The following TRPC4AP variants were observed in gnomAD, a reference collection of about 807,000 sequenced individuals.
TRPC4AP encodes the protein transient receptor potential cation channel subfamily C member 4 associated protein, also known as short transient receptor potential channel 4-associated protein.
In TRPC4AP, 45 loss-of-function variants were observed where a neutral mutation model predicts 99.0. That is an observed-to-expected ratio of 0.45 (90% confidence interval 0.36 to 0.58). The LOEUF (loss-of-function observed/expected upper bound fraction) is 0.58, where lower values mean the gene tolerates loss of function less well. TRPC4AP is among the 20% of genes least tolerant of loss of function. The pLI, the probability that TRPC4AP is intolerant of heterozygous loss-of-function variation, is 0.00. For synonymous variants in TRPC4AP, 408 were observed against 385.8 expected (o/e 1.06, Z -0.67); for missense variants, 879 against 985.3 (o/e 0.89, Z 1.44).
At position 35,084,244 on chromosome 20, in the gene TRPC4AP, G is replaced by A. The variant is rs140455019; in HGVS notation, c.169-6070C>T. Among the ~76,000 whole-genome samples, 1,154 of 151,140 alleles carry A rather than the reference G, an allele frequency of 7.6e-3. 13 individuals are homozygous for A. The highest frequency in any genetic ancestry group is 0.024 in the African/African-American group (986 of 41,126). ...GAGATTGCGCCATTCCACTCCAGCC[G>A]GGCAACAGTGCGAGACTCCGTCCCA... On this transcript the variant is annotated intron_variant, in intron 1 of 18. Transcript: ENST00000252015.
chr20:35,007,022 A>G (rs1444477177), intron 14 of TRPC4AP, among the ~76,000 whole-genome samples: 3 of 152,252 alleles, frequency 2.0e-5, no homozygotes, highest in Non-Finnish European at 4.4e-5. Flanking sequence ...AATTGTTTAA[A>G]TAGAGTTTAC....
chr20:35,076,681 G>C (rs141201005), intron 2 of TRPC4AP, among the ~76,000 whole-genome samples: 6,714 of 152,266 alleles, frequency 0.044, 485 homozygotes, highest in African/African-American at 0.15. Flanking sequence ...CCTACTGGGA[G>C]GTGTCTCCCA....
chr20:35,046,541 A>G (rs1441860139), intron 6 of TRPC4AP, among the ~76,000 whole-genome samples: 1 of 152,156 alleles, frequency 6.6e-6, no homozygotes, highest in Admixed American at 6.6e-5. Context: ...CTTTCTCCTG[A>G]GACTCAATGC....
intron 7 of TRPC4AP, among the ~76,000 whole-genome samples, chr20:35,043,222 AT>A (rs2083479761): frequency 6.6e-6 from 1 of 151,862 alleles, no homozygotes; most frequent in Non-Finnish European, 1.5e-5. Context: ...GTCTTTTGTT[AT>A]TACAAATAAT....
chr20:35,074,288 TA>T (rs1569145328), intron 2 of TRPC4AP, among the ~76,000 whole-genome samples: 12 of 152,342 alleles, frequency 7.9e-5, no homozygotes, highest in African/African-American at 2.9e-4. Flanking sequence ...GCTCTGATCT[TA>T]GTTATTTCTC....
intron 8 of TRPC4AP, among the ~76,000 whole-genome samples, chr20:35,028,932 A>G (rs549084255): frequency 1.3e-5 from 2 of 152,218 alleles, no homozygotes; most frequent in East Asian, 1.9e-4. Context: ...TTTTGCTCTG[A>G]TAACAGTTTT....
At chr20:35,062,895 C>T (rs1202543281) in intron 3 of TRPC4AP, among the ~76,000 whole-genome samples, 1 of 152,160 alleles carries the variant, frequency 6.6e-6, no homozygotes, top group Non-Finnish European at 1.5e-5. Context: ...AACAATAAAA[C>T]ACCTCATGCT....
chr20:35,043,719 T>G (rs1207915459), intron 7 of TRPC4AP, among the ~76,000 whole-genome samples: 1 of 152,200 alleles, frequency 6.6e-6, no homozygotes, highest in Admixed American at 6.5e-5. Flanking sequence ...TAACAATAAC[T>G]AATGATAAAA....
Position 35,062,451 on chromosome 20 carries a change from GATAA to G in TRPC4AP, c.415-4884_415-4881del, listed in dbSNP as rs2084030364. On this transcript the variant is annotated intron_variant, in intron 3 of 18. Transcript: ENST00000252015. ...CCAAATGTCCATCAACTGATGAATG[GATAA>G]ATAAGATGTGGTCTATCCATACAGT... is the stretch of plus-strand genomic sequence containing the variant. Among the ~76,000 whole-genome samples the G allele has an allele frequency of 2.0e-5, 3 of 152,274 alleles. No individual in the cohort carries two copies. In the South Asian group the frequency reaches 6.2e-4, roughly 32 times the overall value.
chr20:35,086,575 G>GTGTGTGTATA lies in TRPC4AP; in HGVS notation c.168+6038_168+6039insTATACACACA, dbSNP rs1555919531. ...TGTGTGTGTGTGTGTGTGTGTGTGTGTATATATATATGAATAAGACTTTAT... is the reference window on the plus strand; with the variant it reads ...TGTGTGTGTGTGTGTGTGTGTGTGTGTGTGTGTATATATATATATATGAATAAGACTTTAT... On this transcript the variant is annotated intron_variant, in intron 1 of 18. Coordinates refer to ENST00000252015, the MANE Select transcript of TRPC4AP (RefSeq NM_015638.3). Among the ~76,000 whole-genome samples, 17 of 89,788 alleles carry GTGTGTGTATA rather than the reference G, an allele frequency of 1.9e-4. 1 individual carries two copies. Among genetic ancestry groups the GTGTGTGTATA allele is most frequent in the African/African-American group, 6.7e-4 (17 of 25,450 alleles). The allele number at this position is 89,788 out of a possible 152,430, so 58.9% of individuals were successfully genotyped here.
intron 15 of TRPC4AP, 50 bp from the exon 16 acceptor site, chr20:35,005,853 G>A (rs369780830): frequency 5.1e-6 from 8 of 1,566,110 alleles, no homozygotes; most frequent in Middle Eastern, 1.7e-4. Flanking sequence ...GGCCAGGTAT[G>A]GCCATGGCCC....
chr20:35,070,313 G>C (rs1340028624), intron 2 of TRPC4AP, among the ~76,000 whole-genome samples: 1 of 152,078 alleles, frequency 6.6e-6, no homozygotes, highest in Non-Finnish European at 1.5e-5. Context: ...AAGTCTTCTT[G>C]ATTTCCCCCA....
intron 8 of TRPC4AP, among the ~76,000 whole-genome samples, chr20:35,034,742 C>A (rs1212933357): frequency 9.2e-5 from 14 of 152,146 alleles, no homozygotes; most frequent in Middle Eastern, 3.4e-3. Context: ...CTGCCTAGTC[C>A]CATCAAGGGG....
intron 3 of TRPC4AP, among the ~76,000 whole-genome samples, chr20:35,058,149 T>C (rs571676070): frequency 2.0e-5 from 3 of 152,214 alleles, no homozygotes; most frequent in South Asian, 2.1e-4. Flanking sequence ...TACCTAACAA[T>C]AGAGCCCAAA....
intron 1 of TRPC4AP, among the ~76,000 whole-genome samples, chr20:35,090,897 A>G (rs1344048973): frequency 6.6e-6 from 1 of 151,256 alleles, no homozygotes; most frequent in Non-Finnish European, 1.5e-5. Flanking sequence ...GCATAACTCA[A>G]AAGCTTGAGG....
intron 1 of TRPC4AP, among the ~76,000 whole-genome samples, chr20:35,089,748 C>T (rs2084991568): frequency 1.3e-5 from 2 of 152,056 alleles, no homozygotes; most frequent in Admixed American, 6.6e-5. Flanking sequence ...ACTCAGGAGG[C>T]TGAGGCAGAA....
intron 1 of TRPC4AP, among the ~76,000 whole-genome samples, chr20:35,084,462 G>A (rs1425732186): frequency 7.1e-6 from 1 of 141,166 alleles, no homozygotes; most frequent in Non-Finnish European, 1.5e-5. Flanking sequence ...ATATATGTGT[G>A]TATATATGTA....
intron 3 of TRPC4AP, among the ~76,000 whole-genome samples, chr20:35,068,975 AC>A (rs1479621958): frequency 3.3e-4 from 21 of 64,060 alleles, no homozygotes; most frequent in African/African-American, 1.2e-3. Flanking sequence ...ACACACACAC[AC>A]ACAAAAAAAA....
At chr20:35,012,884 G>T in intron 11 of TRPC4AP, 124 bp downstream of exon 11, 2 of 914,052 alleles carry the variant, frequency 2.2e-6, no homozygotes, top group Non-Finnish European at 1.8e-6. Flanking sequence ...AACACTGAGG[G>T]GACAGTGGGC....
Sources: gnomAD v4.1 joint callset for allele counts (sites outside exome capture counted in the v4.1 genomes callset) on GRCh38, gnomAD v4.1.1 for gene constraint, MANE v1.5 for transcripts, NCBI Gene and HGNC (gene_info 2026-07-23, HGNC 2026-07-21) for gene names.